The following LIMS1 variants were observed in gnomAD, a reference collection of about 807,000 sequenced individuals.
The protein encoded by LIMS1 is LIM zinc finger domain containing 1, also known as LIM and senescent cell antigen-like-containing domain protein 1.
Under a neutral mutation model 44.1 loss-of-function variants are expected in LIMS1, and 18 were observed. The ratio of observed to expected loss-of-function variants is 0.41; its 90% CI spans 0.28 to 0.61. The LOEUF (loss-of-function observed/expected upper bound fraction) is 0.61, where lower values mean the gene tolerates loss of function less well. LIMS1 is among the 20% of genes least tolerant of loss of function. The pLI is 0.32. For synonymous variants in LIMS1, 93 were observed against 149.1 expected (o/e 0.62, Z 2.74); for missense variants, 201 against 422.0 (o/e 0.48, Z 4.59).
At chr2:108,592,887 C>G (rs1385150022) in intron 1 of LIMS1, among the ~76,000 whole-genome samples, 1 of 152,040 alleles carries the variant, frequency 6.6e-6, no homozygotes, top group African/African-American at 2.4e-5. Flanking sequence ...CAAATGTTCC[C>G]CTTTTTATTG....
chr2:108,666,711 C>G (rs1288733409), intron 2 of LIMS1, among the ~76,000 whole-genome samples: 1 of 140,982 alleles, frequency 7.1e-6, no homozygotes, highest in Non-Finnish European at 1.5e-5. Context: ...ATCATTTGAG[C>G]CTAGGAGTTG....
chr2:108,593,202 A>G (rs1036454018), intron 1 of LIMS1, among the ~76,000 whole-genome samples: 1 of 152,144 alleles, frequency 6.6e-6, no homozygotes, highest in African/African-American at 2.4e-5. Flanking sequence ...GAAAGCAACT[A>G]AATTCACTTT....
chr2:108,558,320 C>T (rs539720699), intron 1 of LIMS1, among the ~76,000 whole-genome samples: 1 of 151,978 alleles, frequency 6.6e-6, no homozygotes, highest in South Asian at 2.1e-4. Context: ...TGGGTTCACG[C>T]CATTCTCCTG....
rs967848997 is a variant in LIMS1, at chr2:108,614,652, G to A, written c.33-44953G>A. Among the ~76,000 whole-genome samples the A allele has an allele frequency of 5.3e-5, 8 of 152,114 alleles. No homozygotes were observed. The Middle Eastern group carries it at 0.01, about 194-fold the overall frequency. ...TGTCATTGAATTGAACTTTTATATC[G>A]GAGTTAGGAAAAAATAATAAATAAA... On this transcript the variant is annotated intron_variant, in intron 1 of 9. Coordinates refer to ENST00000544547, the Ensembl canonical transcript of LIMS1.
At chr2:108,588,270 G>GA (rs11323095) in intron 1 of LIMS1, 2,977 of 797,670 alleles carry the variant, frequency 3.7e-3, no homozygotes, top group Middle Eastern at 4.5e-3. Flanking sequence ...CTAAATACAG[G>GA]AAAAAAAAAA....
chr2:108,576,024 C>G (rs1005142318), intron 1 of LIMS1, among the ~76,000 whole-genome samples: 2 of 152,180 alleles, frequency 1.3e-5, no homozygotes, highest in Admixed American at 6.5e-5. Context: ...AAGGCCTGGT[C>G]TTCATGTCAG....
intron 1 of LIMS1, among the ~76,000 whole-genome samples, chr2:108,587,919 C>T (rs1005473204): frequency 1.1e-4 from 16 of 151,928 alleles, no homozygotes; most frequent in African/African-American, 3.9e-4. Context: ...ACCTTGCCAC[C>T]GGAAGATGTA....
chr2:108,630,112 T>G (rs1403231802), intron 1 of LIMS1, among the ~76,000 whole-genome samples: 1 of 150,628 alleles, frequency 6.6e-6, no homozygotes, highest in Non-Finnish European at 1.5e-5. Flanking sequence ...GAGGATTGCT[T>G]GAGCCTGGGA....
intron 1 of LIMS1, among the ~76,000 whole-genome samples, chr2:108,588,959 A>G (rs1028175474): frequency 1.3e-5 from 2 of 152,230 alleles, no homozygotes; most frequent in African/African-American, 4.8e-5. Flanking sequence ...TTAGTGTCAT[A>G]TGGTTTATAT....
intron 1 of LIMS1, among the ~76,000 whole-genome samples, chr2:108,601,920 T>C (rs1330999911): frequency 6.6e-6 from 1 of 152,028 alleles, no homozygotes; most frequent in Non-Finnish European, 1.5e-5. Flanking sequence ...ATTAACAATA[T>C]TGATTCTTTC....
intron 1 of LIMS1, among the ~76,000 whole-genome samples, chr2:108,625,855 C>G (rs1186228756): frequency 2.6e-5 from 4 of 152,154 alleles, no homozygotes; most frequent in African/African-American, 9.7e-5. Context: ...CATATAAAAT[C>G]ATTTTTAAGT....
At chr2:108,600,389 C>T (rs1686942581) in intron 1 of LIMS1, among the ~76,000 whole-genome samples, 1 of 151,944 alleles carries the variant, frequency 6.6e-6, no homozygotes. Context: ...CCCATTTGTG[C>T]ATTTTTGCTT....
intron 1 of LIMS1, among the ~76,000 whole-genome samples, chr2:108,547,280 A>G (rs1326761952): frequency 6.6e-6 from 1 of 152,182 alleles, no homozygotes; most frequent in Non-Finnish European, 1.5e-5. Context: ...TGTACCCTTC[A>G]TCACCAAGGG....
At chr2:108,659,353 G>T (rs1376637182) in intron 1 of LIMS1, among the ~76,000 whole-genome samples, 2 of 152,008 alleles carry the variant, frequency 1.3e-5, no homozygotes, top group East Asian at 3.9e-4. Context: ...AGTATATTCA[G>T]CAAGAAGAAT....
intron 1 of LIMS1, among the ~76,000 whole-genome samples, chr2:108,634,591 C>A (rs1367443254): frequency 6.6e-6 from 1 of 152,214 alleles, no homozygotes; most frequent in Non-Finnish European, 1.5e-5. Context: ...CTTGTCCTGG[C>A]GACATCTCTG....
intron 1 of LIMS1, among the ~76,000 whole-genome samples, chr2:108,536,939 A>C (rs1684163324): frequency 6.6e-6 from 1 of 152,166 alleles, no homozygotes; most frequent in Non-Finnish European, 1.5e-5. Context: ...AATGTCCAAG[A>C]GTGTGCAATT....
intron 1 of LIMS1, among the ~76,000 whole-genome samples, chr2:108,547,552 A>G (rs1684521998): frequency 6.6e-6 from 1 of 152,168 alleles, no homozygotes; most frequent in Non-Finnish European, 1.5e-5. Context: ...TCTTCTGTCC[A>G]GTTGAGATTT....
chr2:108,635,537 CT>C (rs1264506423), intron 1 of LIMS1, among the ~76,000 whole-genome samples: 1 of 151,192 alleles, frequency 6.6e-6, no homozygotes, highest in Non-Finnish European at 1.5e-5. Flanking sequence ...CCCGTCTCTA[CT>C]AAAAATACAA....
At chr2:108,586,371 A>T (rs980382625) in intron 1 of LIMS1, among the ~76,000 whole-genome samples, 4 of 152,162 alleles carry the variant, frequency 2.6e-5, no homozygotes, top group African/African-American at 7.2e-5. Flanking sequence ...GGCTGTCTGG[A>T]TGTGAGTTTA....
Sources: allele counts gnomAD v4.1 joint callset (sites outside exome capture counted in the v4.1 genomes callset), GRCh38; gene constraint gnomAD v4.1.1; transcripts MANE v1.5; gene names NCBI Gene and HGNC (gene_info 2026-07-23, HGNC 2026-07-21).